MYH16: variants seen among roughly 807,000 people sequenced by gnomAD.
MYH16 encodes putative uncharacterized protein MYH16.
chr7:99,274,648 A>G (rs1421110857), intron 20 of MYH16, among the ~76,000 whole-genome samples: 1 of 142,082 alleles, frequency 7.0e-6, no homozygotes, highest in Non-Finnish European at 1.5e-5. Flanking sequence ...TCCATGACTC[A>G]CCTTTCTTTA....
chr7:99,278,832 G>A (rs990592010), intron 21 of MYH16, among the ~76,000 whole-genome samples: 1 of 152,182 alleles, frequency 6.6e-6, no homozygotes, highest in Non-Finnish European at 1.5e-5. Flanking sequence ...CCCCTGAGAA[G>A]TTGCTTGAAC....
chr7:99,271,866 AT>A (rs375505929), intron 19 of MYH16, among the ~76,000 whole-genome samples: 2,456 of 149,244 alleles, frequency 0.016, 47 homozygotes, highest in African/African-American at 0.057. Flanking sequence ...CACCTGGCTA[AT>A]TTTTTTTTTG....
chr7:99,302,949 G>A (rs1453221732), intron 38 of MYH16, 116 bp from the exon 20 acceptor site: 2 of 152,336 alleles, frequency 1.3e-5, no homozygotes, highest in African/African-American at 4.8e-5. Flanking sequence ...AGGGCCCAGG[G>A]CCATTTCCTG....
At chr7:99,269,865 CTTTTTTT>C (rs983455403) in intron 18 of MYH16, among the ~76,000 whole-genome samples, 19 of 107,706 alleles carry the variant, frequency 1.8e-4, no homozygotes, top group African/African-American at 5.4e-4. Flanking sequence ...TCTGGGGACA[CTTTTTTT>C]TTTTTTTTTT....
chr7:99,299,192 G>C (rs1227001233), intron 36 of MYH16, among the ~76,000 whole-genome samples: 1 of 152,184 alleles, frequency 6.6e-6, no homozygotes, highest in Non-Finnish European at 1.5e-5. Context: ...GCTGCAGTGA[G>C]TTATGATCAC....
exon 23 of MYH16, chr7:99,280,950 G>A (rs1357336478): frequency 1.4e-5 from 6 of 426,254 alleles, no homozygotes; most frequent in South Asian, 6.6e-5. Context: ...AGCTCCAGAA[G>A]GAGAAGAGGG....
chr7:99,283,384 G>A (rs1286311263), intron 23 of MYH16, among the ~76,000 whole-genome samples, 181 bp from the exon 6 acceptor site: 1 of 152,198 alleles, frequency 6.6e-6, no homozygotes, highest in Non-Finnish European at 1.5e-5. Flanking sequence ...GGTGGCTCTG[G>A]TCCATCTGCT....
At chr7:99,287,989 G>T (rs1283544430) in exon 29 of MYH16, 3 of 456,770 alleles carry the variant, frequency 6.6e-6, no homozygotes, top group South Asian at 3.1e-5. Flanking sequence ...TCCACACTGC[G>T]CAAGAAGCAC....
At chr7:99,245,462 A>T (rs1246236203) in intron 2 of MYH16, among the ~76,000 whole-genome samples, 2 of 152,130 alleles carry the variant, frequency 1.3e-5, no homozygotes, top group Non-Finnish European at 2.9e-5. Context: ...AGATTTGGCC[A>T]TTTCCTGTCT....
chr7:99,290,014 A>AT, intron 30 of MYH16, among the ~76,000 whole-genome samples: 1 of 152,298 alleles, frequency 6.6e-6, no homozygotes, highest in South Asian at 2.1e-4. Context: ...GTATAAGTTA[A>AT]TTTCTAACTT....
exon 1 of MYH16, chr7:99,238,960 TGAGAAG>T (rs1791626952): frequency 6.5e-6 from 1 of 152,694 alleles, no homozygotes; most frequent in Non-Finnish European, 1.5e-5. Flanking sequence ...GGGTCAAAGA[TGAGAAG>T]GAAGGCTTCG....
chr7:99,240,707 G>A (rs779906115), intron 1 of MYH16, among the ~76,000 whole-genome samples: 29 of 152,174 alleles, frequency 1.9e-4, no homozygotes, highest in Non-Finnish European at 3.4e-4. Context: ...GCCAGGTGTG[G>A]TGCATCCCTG....
intron 37 of MYH16, among the ~76,000 whole-genome samples, chr7:99,300,801 C>A (rs1232307139): frequency 6.6e-6 from 1 of 151,994 alleles, no homozygotes; most frequent in Non-Finnish European, 1.5e-5. Flanking sequence ...GACCCTGTCT[C>A]AAAAACAAAA....
At chr7:99,242,292 C>T (rs1563101287) in intron 1 of MYH16, among the ~76,000 whole-genome samples, 1 of 152,004 alleles carries the variant, frequency 6.6e-6, no homozygotes, top group Non-Finnish European at 1.5e-5. Flanking sequence ...TTCTTGCTTG[C>T]TTTCAATTTT....
chr7:99,293,015 G>A (rs943992846), intron 32 of MYH16, among the ~76,000 whole-genome samples: 1 of 151,742 alleles, frequency 6.6e-6, no homozygotes, highest in Admixed American at 6.6e-5. Flanking sequence ...GGGGGGACAT[G>A]AAAGTGGCTC....
intron 23 of MYH16, among the ~76,000 whole-genome samples, chr7:99,282,736 G>T (rs953263855): frequency 6.6e-6 from 1 of 151,840 alleles, no homozygotes; most frequent in African/African-American, 2.4e-5. Context: ...AGGCTGAGGC[G>T]AGAGGGTTGC....
At chr7:99,279,385 G>A in intron 21 of MYH16, 125 bp from the exon 4 acceptor site, 1 of 308,050 alleles carries the variant, frequency 3.2e-6, no homozygotes. Context: ...AAAAAAAGGA[G>A]CTCGAGATAG....
intron 15 of MYH16, chr7:99,264,403 T>C (rs1247835124): frequency 1.3e-5 from 2 of 152,650 alleles, no homozygotes; most frequent in African/African-American, 2.4e-5. Flanking sequence ...TTTCTGTCTA[T>C]GATCGCCTCT....
intron 4 of MYH16, among the ~76,000 whole-genome samples, chr7:99,249,378 C>T (rs1791780303): frequency 1.3e-5 from 2 of 151,464 alleles, no homozygotes; most frequent in East Asian, 2.0e-4. Context: ...GAGACCCCAT[C>T]TCTACAAAAA....
Sources: allele counts gnomAD v4.1 joint callset (sites outside exome capture counted in the v4.1 genomes callset), GRCh38; gene constraint gnomAD v4.1.1; transcripts MANE v1.5; gene names NCBI Gene and HGNC (gene_info 2026-07-23, HGNC 2026-07-21).